The following ANKRD33B variants were observed in gnomAD, a reference collection of about 807,000 sequenced individuals.
ANKRD33B encodes the protein ankyrin repeat domain 33B.
Under a neutral mutation model 21.5 loss-of-function variants are expected in ANKRD33B, and 6 were observed. The ratio of observed to expected loss-of-function variants is 0.28; its 90% CI spans 0.15 to 0.55. ANKRD33B has a LOEUF of 0.55. Among genes scored for constraint, ANKRD33B ranks in the 20% least tolerant of loss-of-function variants. The pLI is 0.94. For missense variants in ANKRD33B, 698 were observed against 747.2 expected, an observed-to-expected ratio of 0.93 and a Z score of 0.77; for synonymous variants, 347 against 342.4, an observed-to-expected ratio of 1.01 and a Z score of -0.15.
chr5:10,645,448 A>G (rs73741433), intron 3 of ANKRD33B, among the ~76,000 whole-genome samples: 1 of 149,568 alleles, frequency 6.7e-6, no homozygotes, highest in African/African-American at 2.4e-5. Context: ...GATGGAAAGT[A>G]TAGATTTTTT....
chr5:10,590,764 C>T (rs115388121), intron 1 of ANKRD33B, among the ~76,000 whole-genome samples: 2,116 of 152,154 alleles, frequency 0.014, 52 homozygotes, highest in African/African-American at 0.048. Flanking sequence ...TGCTTAGCTC[C>T]TCCTACCCTT....
chr5:10,616,255 C>T (rs531623573), intron 1 of ANKRD33B, among the ~76,000 whole-genome samples: 1 of 152,092 alleles, frequency 6.6e-6, no homozygotes, highest in African/African-American at 2.4e-5. Flanking sequence ...TCTTGTTGTT[C>T]CATGAAAAAT....
At chr5:10,626,356 T>C (rs77059579) in intron 2 of ANKRD33B, among the ~76,000 whole-genome samples, 1 of 152,382 alleles carries the variant, frequency 6.6e-6, no homozygotes, top group East Asian at 1.9e-4. Context: ...TTTAGAAAGC[T>C]GTGGCGATTT....
intron 2 of ANKRD33B, among the ~76,000 whole-genome samples, chr5:10,633,994 T>C (rs550174825): frequency 1.3e-5 from 2 of 152,320 alleles, no homozygotes; most frequent in South Asian, 4.2e-4. Flanking sequence ...GGGGAACACG[T>C]TCTAGCCCCT....
At chr5:10,639,860 TGCGCGGCGATGTTAGGCGGTGACGTG>T (rs1560985308) in intron 3 of ANKRD33B, among the ~76,000 whole-genome samples, 2 of 21,982 alleles carry the variant, frequency 9.1e-5, no homozygotes, top group Non-Finnish European at 1.1e-4. Context: ...GACGCGGCGT[TGCGCGGCGATGTTAGGCGGTGACGTG>T]GAGTTGTGCG....
At chr5:10,568,450 C>A (rs552324747) in intron 1 of ANKRD33B, among the ~76,000 whole-genome samples, 4 of 152,374 alleles carry the variant, frequency 2.6e-5, no homozygotes, top group Admixed American at 6.5e-5. Context: ...GTTTAAATGT[C>A]AGACAGCTCT....
intron 2 of ANKRD33B, among the ~76,000 whole-genome samples, chr5:10,623,633 C>T (rs62339296): frequency 0.25 from 38,729 of 152,148 alleles, 5,583 homozygotes; most frequent in East Asian, 0.63. Context: ...AGGTGGGAAG[C>T]TGGATAGGAG....
At position 10,638,094 on chromosome 5, in the gene ANKRD33B, C is replaced by T. The variant is rs1423198324; in HGVS notation, c.563C>T (p.Ala188Val). 4.6e-6 allele frequency: 7 copies of T among 1,537,394 alleles called. No individual in the cohort carries two copies. Among genetic ancestry groups the T allele is most frequent in the East Asian group, 4.9e-5 (2 of 41,060 alleles). The stretch of plus-strand genomic sequence containing the variant: ...GGTCTTGACCTTGAAAGGAGGAACG[C>T]GTTCGGGTTCACCGCCCTGATGAAA... The part of the protein sequence containing the change: ...FPGLDLERRN[A>V]FGFTALMKAA... The change falls in exon 3 of 4, where the codon GCG becomes GTG. Residue 188 changes from alanine (A) to valine (V), a missense_variant. Coordinates refer to ENST00000296657, the MANE Select transcript of ANKRD33B (RefSeq NM_001164440.2).
Position 10,657,467 on chromosome 5 carries a change from T to C in ANKRD33B, c.*7354T>C, listed in dbSNP as rs1737516605. 6.6e-6 allele frequency: 1 copy of C among 152,370 alleles called. No homozygotes were observed. The highest frequency in any genetic ancestry group is 2.4e-5 in the African/African-American group (1 of 41,470). The allele number at this position is 152,370 out of a possible 1,614,324, so 9.4% of individuals were successfully genotyped here. On this transcript the variant is annotated 3_prime_UTR_variant, in exon 4 of 4. Coordinates refer to ENST00000296657, the MANE Select transcript of ANKRD33B (RefSeq NM_001164440.2). ...CATTTCTAATAATCCAGTAGGTTTC[T>C]GGATATTGTAAAGATACTGAGTACA... is the stretch of plus-strand genomic sequence containing the variant.
chr5:10,585,334 C>T (rs1735530879), intron 1 of ANKRD33B, among the ~76,000 whole-genome samples: 1 of 152,196 alleles, frequency 6.6e-6, no homozygotes, highest in African/African-American at 2.4e-5. Context: ...TCCTGGATGC[C>T]TACAGAGCTG....
At chr5:10,577,753 A>G (rs773558887) in intron 1 of ANKRD33B, among the ~76,000 whole-genome samples, 11 of 152,236 alleles carry the variant, frequency 7.2e-5, no homozygotes, top group African/African-American at 1.2e-4. Flanking sequence ...TGGCACTGGG[A>G]ATTCAGCTTT....
At position 10,655,553 on chromosome 5, in the gene ANKRD33B, C is replaced by T. The variant is rs1384571888; in HGVS notation, c.*5440C>T. ...ATGTGCACCCTGCACTACTCTTTCC[C>T]CAGGTGCGCCGGAGACGCAGGCTTG... On this transcript the variant is annotated 3_prime_UTR_variant, in exon 4 of 4. Coordinates refer to ENST00000296657, the MANE Select transcript of ANKRD33B (RefSeq NM_001164440.2). 4.6e-5 allele frequency: 7 copies of T among 152,394 alleles called. No homozygotes were observed. The highest frequency in any genetic ancestry group is 1.9e-4 in the East Asian group (1 of 5,328). The allele number at this position is 152,394 out of a possible 1,614,324, so 9.4% of individuals were successfully genotyped here.
intron 1 of ANKRD33B, among the ~76,000 whole-genome samples, chr5:10,567,485 C>T (rs988597693): frequency 6.6e-6 from 1 of 152,006 alleles, no homozygotes; most frequent in Non-Finnish European, 1.5e-5. Flanking sequence ...ACCTAGGAAA[C>T]TGGGAGACGG....
intron 2 of ANKRD33B, among the ~76,000 whole-genome samples, chr5:10,634,581 T>G (rs1736810669): frequency 1.3e-5 from 2 of 151,170 alleles, no homozygotes; most frequent in Admixed American, 6.6e-5. Context: ...TGCCTCAACC[T>G]CCTGAGTAGC....
chr5:10,592,593 C>T (rs926422336), intron 1 of ANKRD33B, among the ~76,000 whole-genome samples: 1 of 149,926 alleles, frequency 6.7e-6, no homozygotes, highest in East Asian at 2.0e-4. Context: ...CACCACTGCA[C>T]TCCAGCCTGG....
chr5:10,578,453 T>G lies in ANKRD33B; in HGVS notation c.366+13620T>G, dbSNP rs565049223. ...GCACTGGACTAAACTTAGTCCCTTA[T>G]ACTGGATTCTTTTATCACACAAGAA... On this transcript the variant is annotated intron_variant, in intron 1 of 3. Coordinates refer to ENST00000296657, the MANE Select transcript of ANKRD33B (RefSeq NM_001164440.2). 5.3e-4 allele frequency among the ~76,000 whole-genome samples: 80 copies of G among 152,284 alleles called. 1 individual carries two copies. Among genetic ancestry groups the G allele is most frequent in the Admixed American group, 1.4e-3 (22 of 15,298 alleles).
rs964656318 is a variant in ANKRD33B, at chr5:10,638,925, G to A, written c.637+757G>A. ...GTGTGGTAATGTTAGCGGGTGACGC[G>A]GAGTTGCGCGGCGATATTAGCGGGT... On this transcript the variant is annotated intron_variant, in intron 3 of 3. Transcript: ENST00000296657. Among the ~76,000 whole-genome samples the A allele has an allele frequency of 2.0e-4, 28 of 143,256 alleles. 1 individual carries two copies. Among genetic ancestry groups the A allele is most frequent in the Non-Finnish European group, 3.9e-4 (25 of 64,346 alleles). 94.0% of individuals were successfully genotyped at this position (143,256 alleles called of 152,430 possible). A position where few individuals can be genotyped will look rare whatever the true frequency, so the allele number is the denominator to read the frequency against.
At chr5:10,615,145 C>G (rs1377378561) in intron 1 of ANKRD33B, among the ~76,000 whole-genome samples, 1 of 152,148 alleles carries the variant, frequency 6.6e-6, no homozygotes, top group African/African-American at 2.4e-5. Flanking sequence ...GAGTGTCTCT[C>G]TTGTATCCAC....
Position 10,649,287 on chromosome 5 carries a change from AC to A in ANKRD33B, c.664del (p.Arg222AlafsTer70). On this transcript the variant is annotated frameshift_variant, in exon 4 of 4. Transcript: ENST00000296657. LOFTEE classifies it low-confidence loss of function (END_TRUNC). Reference protein sequence around the residue: ...MLAGADVHARDPRRGMSPQEW... With the variant: ...MLAGADVHARXPRRGMSPQEW... ...GCAGGGGCGGATGTCCACGCGAGGG[AC>A]CCCCGCCGTGGGATGTCGCCGCAGG... 1.3e-6 allele frequency: 2 copies of A among 1,525,914 alleles called. No individual in the cohort carries two copies. Among genetic ancestry groups the A allele is most frequent in the Non-Finnish European group, 1.8e-6 (2 of 1,140,396 alleles). 94.5% of individuals were successfully genotyped at this position (1,525,914 alleles called of 1,614,324 possible).
Sources: allele counts gnomAD v4.1 joint callset (sites outside exome capture counted in the v4.1 genomes callset), GRCh38; gene constraint gnomAD v4.1.1; transcripts MANE v1.5; gene names NCBI Gene and HGNC (gene_info 2026-07-23, HGNC 2026-07-21).